Variants in KCNG2 observed in about 807,000 individuals in gnomAD.
The protein encoded by KCNG2 is potassium voltage-gated channel modifier subfamily G member 2.
In KCNG2, 7 loss-of-function variants were observed where a neutral mutation model predicts 12.3. The observed-to-expected ratio is 0.57, with a 90% CI of 0.32 to 1.07. The LOEUF (loss-of-function observed/expected upper bound fraction) is 1.07, where lower values mean the gene tolerates loss of function less well. Among genes scored for constraint, KCNG2 ranks in the 50% least tolerant of loss-of-function variants. The pLI is 0.04. For missense variants in KCNG2, 703 were observed against 726.0 expected (o/e 0.97, Z 0.36); for synonymous variants, 414 against 351.4 (o/e 1.18, Z -1.99).
Position 79,899,228 on chromosome 18 carries a change from G to T in KCNG2, c.813G>T (p.Ala271=), listed in dbSNP as rs763180199. The part of the protein sequence containing the change: ...PFYVSLLLGL[A]AGPGGTKLLE... ...ACGTGTCGCTGCTGCTGGGGCTGGC[G>T]GCAGGCCCGGGCGGGACCAAGCTCC... is the stretch of plus-strand genomic sequence containing the variant. The change falls in exon 4 of 4, where the codon GCG becomes GCT. Residue 271 remains alanine, a synonymous_variant. Coordinates refer to ENST00000316249, the MANE Select transcript of KCNG2 (RefSeq NM_012283.2). 3 of 1,599,290 alleles carry T rather than the reference G, an allele frequency of 1.9e-6. No individual in the cohort carries two copies. Among genetic ancestry groups the T allele is most frequent in the Non-Finnish European group, 2.5e-6 (3 of 1,178,624 alleles).
intron 3 of KCNG2, among the ~76,000 whole-genome samples, chr18:79,881,970 C>T (rs1324406952): frequency 1.3e-5 from 2 of 151,922 alleles, no homozygotes; most frequent in Non-Finnish European, 2.9e-5. Flanking sequence ...ATCGTCTTTT[C>T]AACAAATGGG....
At chr18:79,861,275 T>TC (rs1979210550) in intron 2 of KCNG2, among the ~76,000 whole-genome samples, 1 of 4,284 alleles carries the variant, frequency 2.3e-4, no homozygotes, top group Non-Finnish European at 3.2e-3. Context: ...CTCTCTCTCT[T>TC]TTTTTTTTTT....
chr18:79,799,460 GGGGGCATTGT>G (rs373472771), intron 1 of KCNG2, among the ~76,000 whole-genome samples: 126 of 152,314 alleles, frequency 8.3e-4, no homozygotes, highest in African/African-American at 2.9e-3. Flanking sequence ...AGGGAATTTG[GGGGGCATTGT>G]GGTACATTCT....
intron 1 of KCNG2, among the ~76,000 whole-genome samples, chr18:79,809,799 G>T (rs915527064): frequency 6.6e-6 from 1 of 152,258 alleles, no homozygotes; most frequent in African/African-American, 2.4e-5. Flanking sequence ...ACTAGGAGCT[G>T]TGGTCACCTC....
chr18:79,866,304 A>G (rs1979540266), intron 3 of KCNG2, among the ~76,000 whole-genome samples: 2 of 96,016 alleles, frequency 2.1e-5, no homozygotes, highest in Non-Finnish European at 4.0e-5. Context: ...GTGTGCTGAG[A>G]GTGTGGGTGC....
intron 1 of KCNG2, chr18:79,816,029 C>T (rs571967583): frequency 6.6e-6 from 1 of 152,382 alleles, no homozygotes; most frequent in Admixed American, 6.5e-5. Context: ...TTTTATTGTA[C>T]TGTCTGATTT....
At chr18:79,832,086 C>T (rs555257539) in intron 1 of KCNG2, among the ~76,000 whole-genome samples, 5 of 152,302 alleles carry the variant, frequency 3.3e-5, no homozygotes, top group East Asian at 3.9e-4. Flanking sequence ...ACTCACCCAC[C>T]GCCCCCTGGT....
At chr18:79,834,676 G>C (rs1001060793) in intron 1 of KCNG2, among the ~76,000 whole-genome samples, 1 of 152,198 alleles carries the variant, frequency 6.6e-6, no homozygotes, top group African/African-American at 2.4e-5. Context: ...TGAGATAATG[G>C]GAGTGCTAGA....
At chr18:79,882,473 G>C (rs184730516) in intron 3 of KCNG2, among the ~76,000 whole-genome samples, 3 of 152,354 alleles carry the variant, frequency 2.0e-5, no homozygotes, top group Admixed American at 1.3e-4. Flanking sequence ...GCTATATAAA[G>C]AACTGTATAA....
chr18:79,813,949 TGC>T (rs1466981007), intron 1 of KCNG2, among the ~76,000 whole-genome samples: 2 of 152,208 alleles, frequency 1.3e-5, no homozygotes, highest in Non-Finnish European at 1.5e-5. Flanking sequence ...ACAAGATGTG[TGC>T]ACAGACCTTT....
intron 3 of KCNG2, among the ~76,000 whole-genome samples, chr18:79,881,416 C>T (rs893138318): frequency 3.9e-5 from 6 of 152,280 alleles, no homozygotes; most frequent in Middle Eastern, 3.4e-3. Context: ...TAGAAATTCC[C>T]AGGAAACCCA....
intron 2 of KCNG2, among the ~76,000 whole-genome samples, chr18:79,861,978 T>A (rs542196392): frequency 6.6e-6 from 1 of 152,214 alleles, no homozygotes; most frequent in East Asian, 1.9e-4. Context: ...TTTCTATCAC[T>A]TTTTTTTAAT....
At chr18:79,865,668 G>C (rs186942039) in intron 3 of KCNG2, among the ~76,000 whole-genome samples, 9 of 148,144 alleles carry the variant, frequency 6.1e-5, no homozygotes, top group Admixed American at 6.1e-4. Context: ...AGAGATCTGT[G>C]TGCTGAGGTC....
At chr18:79,882,990 T>C (rs1206334363) in intron 3 of KCNG2, among the ~76,000 whole-genome samples, 11 of 152,226 alleles carry the variant, frequency 7.2e-5, no homozygotes, top group Admixed American at 7.2e-4. Flanking sequence ...ACAGCGTGTG[T>C]CACGTACAGA....
At chr18:79,840,971 A>G (rs1306947516) in intron 1 of KCNG2, among the ~76,000 whole-genome samples, 1 of 152,230 alleles carries the variant, frequency 6.6e-6, no homozygotes, top group Non-Finnish European at 1.5e-5. Context: ...TAAACATTAC[A>G]AAAATAACAA....
At chr18:79,854,275 G>A (rs1053648006) in intron 1 of KCNG2, among the ~76,000 whole-genome samples, 24 of 152,366 alleles carry the variant, frequency 1.6e-4, no homozygotes, top group Admixed American at 3.3e-4. Context: ...AGCAGTGGCC[G>A]TGTGTGCCTG....
chr18:79,825,353 T>C (rs2087605631), intron 1 of KCNG2, among the ~76,000 whole-genome samples: 1 of 152,218 alleles, frequency 6.6e-6, no homozygotes, highest in Non-Finnish European at 1.5e-5. Flanking sequence ...TGGGAAAATA[T>C]CCCTAAGTCA....
At chr18:79,833,196 T>C (rs1297142560) in intron 1 of KCNG2, among the ~76,000 whole-genome samples, 1 of 152,176 alleles carries the variant, frequency 6.6e-6, no homozygotes, top group Non-Finnish European at 1.5e-5. Context: ...GGTGCAGTGG[T>C]GCGATCTTGG....
At chr18:79,867,451 CTT>C (rs1334539366) in intron 3 of KCNG2, among the ~76,000 whole-genome samples, 1 of 29,630 alleles carries the variant, frequency 3.4e-5, no homozygotes, top group African/African-American at 5.8e-5. Flanking sequence ...TGTGTCGTGT[CTT>C]GGGGGGGGGA....
Sources: gnomAD v4.1 joint callset for allele counts (sites outside exome capture counted in the v4.1 genomes callset) on GRCh38, gnomAD v4.1.1 for gene constraint, MANE v1.5 for transcripts, NCBI Gene and HGNC (gene_info 2026-07-23, HGNC 2026-07-21) for gene names.